The following CDKN2B-AS1 variants were observed in gnomAD, a reference collection of about 807,000 sequenced individuals.
CDKN2B-AS1 encodes the protein CDKN2B antisense RNA 1 (non-protein coding).
At chr9:22,104,908 C>G (rs1316513985) in intron 4 of CDKN2B-AS1, among the ~76,000 whole-genome samples, 3 of 152,088 alleles carry the variant, frequency 2.0e-5, no homozygotes, top group Non-Finnish European at 2.9e-5. Context: ...TTGCTAGGAG[C>G]TATAAATTAA....
At chr9:22,011,663 A>G (rs533615774) in intron 1 of CDKN2B-AS1, among the ~76,000 whole-genome samples, 98 of 152,338 alleles carry the variant, frequency 6.4e-4, no homozygotes, top group African/African-American at 2.3e-3. Flanking sequence ...TGTTTTCCAG[A>G]TGGCTCACCT....
In CDKN2B-AS1 at chr9:22,003,879, C is replaced by CT. The variant is rs149822153; in HGVS notation, n.29+8726dup. ...CAAGGGAGATCATTGTGTATTTCTG[C>CT]TTTTTTTTAAAAAAAGTTATCTTCA... On this transcript the variant is annotated intron_variant and non_coding_transcript_variant, in intron 1 of 4. Transcript: ENST00000650946. The CT allele has an allele frequency of 0.015, 3,518 of 231,502 alleles. 285 individuals carry two copies. In the East Asian group the frequency reaches 0.18, roughly 12 times the overall value. The allele number at this position is 231,502 out of a possible 1,614,324, so 14.3% of individuals were successfully genotyped here.
chr9:22,072,419 G>C (rs1824331986), intron 4 of CDKN2B-AS1, among the ~76,000 whole-genome samples: 1 of 152,194 alleles, frequency 6.6e-6, no homozygotes, highest in African/African-American at 2.4e-5. Flanking sequence ...CATTTGAAGA[G>C]TCCAGGGGAC....
At chr9:22,035,799 C>T (rs2131255155) in intron 1 of CDKN2B-AS1, among the ~76,000 whole-genome samples, 1 of 152,144 alleles carries the variant, frequency 6.6e-6, no homozygotes, top group East Asian at 1.9e-4. Context: ...GGCTTTTTAT[C>T]ATTATAGATT....
intron 1 of CDKN2B-AS1, among the ~76,000 whole-genome samples, chr9:21,998,430 AAC>A (rs2063453596): frequency 6.6e-6 from 1 of 152,224 alleles, no homozygotes; most frequent in African/African-American, 2.4e-5. Context: ...TCAAATCTTG[AAC>A]ACTTCATGGC....
At chr9:22,015,436 C>T (rs540819630) in intron 1 of CDKN2B-AS1, among the ~76,000 whole-genome samples, 70 of 152,184 alleles carry the variant, frequency 4.6e-4, no homozygotes, top group African/African-American at 1.2e-3. Flanking sequence ...CCTCCCTTTT[C>T]GAAATTGTTT....
At chr9:22,114,078 T>G (rs1189192013) in intron 4 of CDKN2B-AS1, among the ~76,000 whole-genome samples, 3 of 152,154 alleles carry the variant, frequency 2.0e-5, no homozygotes, top group Non-Finnish European at 4.4e-5. Context: ...AATGGAATCT[T>G]TTCAGATTCT....
intron 4 of CDKN2B-AS1, chr9:22,120,639 A>G (rs529729729): frequency 4.6e-5 from 7 of 152,326 alleles, no homozygotes; most frequent in Admixed American, 6.5e-5. Flanking sequence ...TTTCAAAAAT[A>G]TTAAAAAGTC....
chr9:22,066,568 C>G (rs561193258), intron 4 of CDKN2B-AS1, among the ~76,000 whole-genome samples: 1 of 151,872 alleles, frequency 6.6e-6, no homozygotes, highest in African/African-American at 2.4e-5. Flanking sequence ...TTCTAAGACC[C>G]AATGGTAACT....
At chr9:22,112,242 A>C (rs7341786) in intron 4 of CDKN2B-AS1, 97,890 of 152,068 alleles carry the variant, frequency 0.64, 33,600 homozygotes, top group African/African-American at 0.9. Flanking sequence ...ACAAGGGGTT[A>C]AACCACTGCG....
intron 4 of CDKN2B-AS1, among the ~76,000 whole-genome samples, chr9:22,124,348 C>T (rs1299189980): frequency 6.6e-6 from 1 of 152,088 alleles, no homozygotes. Context: ...AAATTAAAAG[C>T]TTCTAAACTA....
intron 4 of CDKN2B-AS1, among the ~76,000 whole-genome samples, chr9:22,105,893 A>G (rs1057453946): frequency 6.6e-6 from 1 of 152,178 alleles, no homozygotes. Context: ...ACTTTGGTTA[A>G]GTTGTTTGAC....
At chr9:22,058,885 AAG>A (rs1241076970) in intron 4 of CDKN2B-AS1, 1 of 212,580 alleles carries the variant, frequency 4.7e-6, no homozygotes, top group African/African-American at 2.4e-5. Context: ...TGGTGGCAGC[AAG>A]AGAAAAATGA....
At chr9:22,072,841 T>C (rs1315716426) in intron 4 of CDKN2B-AS1, among the ~76,000 whole-genome samples, 2 of 152,200 alleles carry the variant, frequency 1.3e-5, no homozygotes, top group South Asian at 2.1e-4. Flanking sequence ...TAACTTTGTG[T>C]CTTTGGGGAA....
intron 4 of CDKN2B-AS1, chr9:22,077,762 C>A (rs1444052508): frequency 6.6e-6 from 1 of 152,162 alleles, no homozygotes; most frequent in African/African-American, 2.4e-5. Flanking sequence ...CATTCTATAC[C>A]AGGATCCATC....
intron 1 of CDKN2B-AS1, chr9:22,004,239 G>T (rs1308811261): frequency 4.3e-6 from 1 of 232,530 alleles, no homozygotes. Flanking sequence ...AATAGGAATT[G>T]GTAGAGAAGT....
At position 22,006,747 on chromosome 9, in the gene CDKN2B-AS1, T is replaced by C. The variant is rs1034036344; in HGVS notation, n.29+11586T>C. On this transcript the variant is annotated intron_variant and non_coding_transcript_variant, in intron 1 of 4. Transcript: ENST00000650946. The surrounding 1 kb of genome is among the most constrained non-coding windows in gnomAD (Gnocchi z 6.4). ...GGGGAGAAAATAAACAACTAAGTTT[T>C]TTTCTTTCTTTTTTTTTTAATTTAT... Among the ~76,000 whole-genome samples the C allele has an allele frequency of 6.6e-6, 1 of 152,042 alleles. No individual in the cohort carries two copies. Among genetic ancestry groups the C allele is most frequent in the Non-Finnish European group, 1.5e-5 (1 of 68,016 alleles).
At chr9:22,093,644 T>C (rs929462472) in intron 4 of CDKN2B-AS1, among the ~76,000 whole-genome samples, 1 of 140,148 alleles carries the variant, frequency 7.1e-6, no homozygotes, top group Non-Finnish European at 1.5e-5. Context: ...TTGCAACCCC[T>C]GCCTTTTTTT....
chr9:21,994,933 A>G (rs1473787999), upstream of CDKN2B-AS1: 1 of 152,684 alleles, frequency 6.5e-6, no homozygotes, highest in Non-Finnish European at 1.5e-5. Context: ...TTCAAACTAG[A>G]TTATTTAAAA....
Sources: gnomAD v4.1 joint callset for allele counts (sites outside exome capture counted in the v4.1 genomes callset) on GRCh38, gnomAD v4.1.1 for gene constraint, Gnocchi (gnomAD v3.1) non-coding constraint, MANE v1.5 for transcripts, NCBI Gene and HGNC (gene_info 2026-07-23, HGNC 2026-07-21) for gene names.